Variants in TAF2 observed in about 807,000 individuals in gnomAD.
TAF2 encodes TATA-box binding protein associated factor 2.
A neutral mutation model predicts 138.5 loss-of-function variants in TAF2; 61 were observed. The ratio of observed to expected loss-of-function variants is 0.44; its 90% CI spans 0.36 to 0.54. The LOEUF (loss-of-function observed/expected upper bound fraction) is 0.54, where lower values mean the gene tolerates loss of function less well. Ranked by LOEUF, TAF2 falls within the 20% of genes least tolerant of loss-of-function variation. The pLI is 0.00. For missense variants in TAF2, 1,090 were observed against 1,427.9 expected (o/e 0.76, Z 3.81); for synonymous variants, 475 against 469.9 (o/e 1.01, Z -0.14).
At chr8:119,783,658 T>A in intron 15 of TAF2, 25 bp from the exon 16 acceptor site, 1 of 1,596,122 alleles carries the variant, frequency 6.3e-7, no homozygotes, top group Non-Finnish European at 8.5e-7. Context: ...AATTTTCTTT[T>A]TAATTTAATT....
intron 3 of TAF2, among the ~76,000 whole-genome samples, chr8:119,814,334 C>G (rs1159226996): frequency 1.3e-5 from 2 of 151,684 alleles, no homozygotes; most frequent in African/African-American, 4.8e-5. Context: ...ATTGCTATTA[C>G]TTAACCATAA....
intron 19 of TAF2, 140 bp from the exon 20 acceptor site, chr8:119,760,878 G>C (rs1364287848): frequency 9.2e-7 from 1 of 1,088,412 alleles, no homozygotes; most frequent in African/African-American, 1.6e-5. Context: ...TTGTAATAGA[G>C]TCACAAGCCA....
At chr8:119,827,569 C>G (rs1250093609) in intron 2 of TAF2, among the ~76,000 whole-genome samples, 2 of 152,116 alleles carry the variant, frequency 1.3e-5, no homozygotes, top group Non-Finnish European at 2.9e-5. Context: ...ATGGCATGAT[C>G]AATTGCTGAA....
At position 119,801,904 on chromosome 8, in the gene TAF2, C is replaced by G; in HGVS notation, c.682G>C (p.Asp228His). 2 of 1,614,132 alleles carry G rather than the reference C, an allele frequency of 1.2e-6. No homozygotes were observed. Among genetic ancestry groups the G allele is most frequent in the Non-Finnish European group, 1.7e-6 (2 of 1,180,014 alleles). The change falls in exon 6 of 26, where the codon GAT becomes CAT. Residue 228 changes from aspartate to histidine, a missense_variant. By Grantham distance (81) the Asp-to-His change is moderately conservative (BLOSUM62 -1). Around this residue, in one of 3 missense-constraint regions of TAF2, gnomAD observed 504 missense variants for 680.9 expected, o/e 0.74. Transcript: ENST00000378164. ...GDLVETVYTH[D>H]MRKKTFHYML... ...TAATGGAAAGTTTTCTTCCTCATAT[C>G]ATGAGTATACACTGTCTCCACCAAA...
chr8:119,732,842 T>C (rs1008049311), intron 25 of TAF2, among the ~76,000 whole-genome samples: 3 of 152,084 alleles, frequency 2.0e-5, no homozygotes, highest in Non-Finnish European at 2.9e-5. Flanking sequence ...CATTGGTCAA[T>C]GAAAACATAA....
At chr8:119,821,586 A>C (rs1465789864) in intron 2 of TAF2, among the ~76,000 whole-genome samples, 1 of 152,196 alleles carries the variant, frequency 6.6e-6, no homozygotes, top group South Asian at 2.1e-4. Flanking sequence ...AGGACAGTGT[A>C]GTGTCACCGT....
At chr8:119,743,202 T>C (rs1182983719) in intron 24 of TAF2, among the ~76,000 whole-genome samples, 1 of 152,098 alleles carries the variant, frequency 6.6e-6, no homozygotes, top group Non-Finnish European at 1.5e-5. Flanking sequence ...TGAAAATTAA[T>C]GAATTACAAC....
chr8:119,774,127 C>A (rs967876048), intron 18 of TAF2, among the ~76,000 whole-genome samples: 1 of 151,394 alleles, frequency 6.6e-6, no homozygotes, highest in Non-Finnish European at 1.5e-5. Flanking sequence ...GCCAAGATGG[C>A]GCCACTGCAC....
At chr8:119,738,487 C>T (rs997664476) in intron 25 of TAF2, among the ~76,000 whole-genome samples, 2 of 152,146 alleles carry the variant, frequency 1.3e-5, no homozygotes, top group African/African-American at 2.4e-5. Context: ...AACTGAAATA[C>T]ATGTCACTCT....
intron 25 of TAF2, among the ~76,000 whole-genome samples, chr8:119,733,735 G>A (rs569437816): frequency 4.6e-5 from 7 of 152,000 alleles, no homozygotes; most frequent in South Asian, 2.1e-4. Flanking sequence ...CCAGAGATAC[G>A]TGGTTACCAA....
Position 119,756,003 on chromosome 8 carries a change from C to T in TAF2, c.2878+3G>A. 6.3e-7 allele frequency: 1 copy of T among 1,598,200 alleles called. No individual in the cohort carries two copies. Among genetic ancestry groups the T allele is most frequent in the Non-Finnish European group, 8.6e-7 (1 of 1,165,846 alleles). On this transcript the variant is annotated splice_donor_region_variant and intron_variant, in intron 22 of 25. Transcript: ENST00000378164. ...AAAACAATTTAAATCCCTGCTCTCTCACCAGAATTCATAAGTTTCCAAAGT... is the reference window on the plus strand; with the variant it reads ...AAAACAATTTAAATCCCTGCTCTCTTACCAGAATTCATAAGTTTCCAAAGT...
Position 119,831,538 on chromosome 8 carries a change from AG to A in TAF2, c.138+138del. ...AGGACCATGGAACTTGTAATCATACAGACCCTAATTTTAATTCTTACCTATT... is the reference window on the plus strand; with the variant it reads ...AGGACCATGGAACTTGTAATCATACAACCCTAATTTTAATTCTTACCTATT... On this transcript the variant is annotated intron_variant, in intron 2 of 25. Coordinates refer to ENST00000378164, the MANE Select transcript of TAF2 (RefSeq NM_003184.4). The A allele has an allele frequency of 8.4e-6, 5 of 596,524 alleles. No individual in the cohort carries two copies. In the Admixed American group the frequency reaches 1.3e-4, roughly 16 times the overall value. 37.0% of individuals were successfully genotyped at this position (596,524 alleles called of 1,614,324 possible). A position where few individuals can be genotyped will look rare whatever the true frequency, so the allele number is the denominator to read the frequency against.
intron 22 of TAF2, among the ~76,000 whole-genome samples, chr8:119,753,389 G>A (rs1453201109): frequency 6.6e-6 from 1 of 152,042 alleles, no homozygotes; most frequent in Non-Finnish European, 1.5e-5. Context: ...GTTCAGGCTT[G>A]GAAAGGAAAT....
intron 18 of TAF2, among the ~76,000 whole-genome samples, chr8:119,777,756 A>G (rs535476687): frequency 1.3e-5 from 2 of 152,316 alleles, no homozygotes; most frequent in Non-Finnish European, 2.9e-5. Flanking sequence ...AATCTGATGT[A>G]CTACTCTCTC....
chr8:119,755,850 C>G (rs1341753554), intron 22 of TAF2, among the ~76,000 whole-genome samples, 156 bp downstream of exon 22: 1 of 151,992 alleles, frequency 6.6e-6, no homozygotes, highest in Admixed American at 6.5e-5. Context: ...TAAATGTTAT[C>G]ACAGCCACCA....
At chr8:119,822,049 G>A (rs906154576) in intron 2 of TAF2, among the ~76,000 whole-genome samples, 1 of 151,722 alleles carries the variant, frequency 6.6e-6, no homozygotes, top group African/African-American at 2.4e-5. Context: ...AAACTTACAT[G>A]GAAAACACTT....
rs976258651 is a variant in TAF2 at position 119,731,245 on chromosome 8, G to C, written c.*679C>G. 1 of 152,140 alleles carries C rather than the reference G, an allele frequency of 6.6e-6. No homozygotes were observed. The highest frequency in any genetic ancestry group is 1.5e-5 in the Non-Finnish European group (1 of 68,030). The allele number at this position is 152,140 out of a possible 1,614,324, so 9.4% of individuals were successfully genotyped here. A position where few individuals can be genotyped will look rare whatever the true frequency, so the allele number is the denominator to read the frequency against. ...TTGATTTGAAAATAATTTTGGATTT[G>C]ATAGTTCTGCTAAATTCCAACATCG... On this transcript the variant is annotated 3_prime_UTR_variant, in exon 26 of 26. Coordinates refer to ENST00000378164, the MANE Select transcript of TAF2 (RefSeq NM_003184.4).
At chr8:119,802,233 A>G (rs1419955414) in intron 5 of TAF2, among the ~76,000 whole-genome samples, 1 of 152,250 alleles carries the variant, frequency 6.6e-6, no homozygotes, top group African/African-American at 2.4e-5. Flanking sequence ...TTAAGAAAAT[A>G]TATTATGTGG....
chr8:119,792,592 C>T (rs1420415024), intron 10 of TAF2, among the ~76,000 whole-genome samples: 1 of 152,032 alleles, frequency 6.6e-6, no homozygotes, highest in African/African-American at 2.4e-5. Context: ...ATGAGTGGTG[C>T]TATAGTTTGT....
Sources: allele counts gnomAD v4.1 joint callset (sites outside exome capture counted in the v4.1 genomes callset), GRCh38; gene constraint gnomAD v4.1.1; regional missense constraint gnomAD v4.1.1; transcripts MANE v1.5; gene names NCBI Gene and HGNC (gene_info 2026-07-23, HGNC 2026-07-21).